The following GIPC2 variants were observed in gnomAD, a reference collection of about 807,000 sequenced individuals.
GIPC2 encodes PDZ domain-containing protein GIPC2.
GIPC2 carries 30 observed loss-of-function variants against 30.6 expected under a neutral mutation model. The ratio of observed to expected loss-of-function variants is 0.98; its 90% CI spans 0.73 to 1.33. GIPC2 has a LOEUF of 1.33. Ranked by LOEUF, GIPC2 falls within the 40% of genes most tolerant of loss-of-function variation. GIPC2 has a pLI of 0.00. For synonymous variants in GIPC2, 167 were observed against 150.0 expected (o/e 1.11, Z -0.83); for missense variants, 414 against 390.3 (o/e 1.06, Z -0.51).
Position 78,046,183 on chromosome 1 carries a change from G to C in GIPC2, c.89G>C (p.Gly30Ala). 6.4e-7 allele frequency: 1 copy of C among 1,573,938 alleles called. No homozygotes were observed. Among genetic ancestry groups the C allele is most frequent in the Non-Finnish European group, 8.6e-7 (1 of 1,162,620 alleles). ...VEGEPTGAGG[G>A]SLSASRAPAR... ...GGCGAGCCGACGGGCGCGGGCGGCG[G>C]GAGCCTCTCAGCGTCCCGGGCTCCC... The change falls in exon 1 of 6, where the codon GGG (glycine) becomes GCG (alanine). Residue 30 changes from glycine (G) to alanine (A), a missense_variant. By Grantham distance (60) the Gly-to-Ala change is moderately conservative. Coordinates refer to ENST00000370759, the MANE Select transcript of GIPC2 (RefSeq NM_017655.6).
chr1:78,067,436 TTTTTC>T (rs1400699065), intron 1 of GIPC2, among the ~76,000 whole-genome samples: 2 of 152,078 alleles, frequency 1.3e-5, no homozygotes, highest in Non-Finnish European at 2.9e-5. Flanking sequence ...TTTTTGCAAA[TTTTTC>T]TTTTCTTTTT....
chr1:78,115,920 G>A (rs1307176935), intron 3 of GIPC2, among the ~76,000 whole-genome samples: 1 of 152,178 alleles, frequency 6.6e-6, no homozygotes, highest in Admixed American at 6.5e-5. Flanking sequence ...AATCACTTTG[G>A]CATAGATTCC....
At chr1:78,059,797 A>G (rs1024359635) in intron 1 of GIPC2, among the ~76,000 whole-genome samples, 1 of 152,174 alleles carries the variant, frequency 6.6e-6, no homozygotes, top group African/African-American at 2.4e-5. Context: ...GAAAAAAAGA[A>G]AAAATAAATA....
chr1:78,073,924 A>C (rs1661666927), intron 1 of GIPC2, among the ~76,000 whole-genome samples: 2 of 152,246 alleles, frequency 1.3e-5, no homozygotes, highest in African/African-American at 4.8e-5. Context: ...TTCAATGATG[A>C]ATAATCATAA....
At chr1:78,047,700 A>G (rs1661121146) in intron 1 of GIPC2, among the ~76,000 whole-genome samples, 1 of 152,206 alleles carries the variant, frequency 6.6e-6, no homozygotes, top group Non-Finnish European at 1.5e-5. Context: ...AATAGAGATT[A>G]GAATATTTGT....
chr1:78,074,751 G>T (rs1190384483), intron 1 of GIPC2, among the ~76,000 whole-genome samples: 1 of 151,922 alleles, frequency 6.6e-6, no homozygotes, highest in South Asian at 2.1e-4. Context: ...CCAGTCTATC[G>T]ATTTATTTAT....
At chr1:78,085,989 C>G (rs574988381) in intron 2 of GIPC2, among the ~76,000 whole-genome samples, 1 of 146,738 alleles carries the variant, frequency 6.8e-6, no homozygotes, top group African/African-American at 2.5e-5. Flanking sequence ...TTTTGCGTCT[C>G]TAGTTCTCTT....
intron 3 of GIPC2, among the ~76,000 whole-genome samples, chr1:78,109,635 TG>T (rs1662424394): frequency 6.6e-6 from 1 of 152,214 alleles, no homozygotes; most frequent in Admixed American, 6.5e-5. Flanking sequence ...TGCTGTTACC[TG>T]GGATATAGTC....
chr1:78,109,971 G>C (rs144535005), intron 3 of GIPC2, among the ~76,000 whole-genome samples: 4,207 of 152,064 alleles, frequency 0.028, 138 homozygotes, highest in African/African-American at 0.08. Flanking sequence ...CTCACTCGTA[G>C]GTGGGAATTG....
chr1:78,093,842 G>A (rs886229724), intron 2 of GIPC2, among the ~76,000 whole-genome samples: 1 of 152,060 alleles, frequency 6.6e-6, no homozygotes, highest in African/African-American at 2.4e-5. Context: ...CATCACTGTG[G>A]AAGAACTTGT....
At chr1:78,078,839 A>AG (rs904420128) in intron 1 of GIPC2, among the ~76,000 whole-genome samples, 1 of 78,492 alleles carries the variant, frequency 1.3e-5, no homozygotes, top group African/African-American at 5.4e-5. Flanking sequence ...GATTCACCGG[A>AG]AAAAAAAAAA....
intron 1 of GIPC2, among the ~76,000 whole-genome samples, chr1:78,065,309 C>G (rs1284902893): frequency 6.6e-6 from 1 of 151,604 alleles, no homozygotes; most frequent in Non-Finnish European, 1.5e-5. Context: ...CAATTTCATT[C>G]ACAATTACCA....
At chr1:78,087,093 G>T (rs1347642786) in intron 2 of GIPC2, among the ~76,000 whole-genome samples, 1 of 152,120 alleles carries the variant, frequency 6.6e-6, no homozygotes, top group Non-Finnish European at 1.5e-5. Context: ...AATTAGAGAA[G>T]AGACAAACAC....
chr1:78,076,777 TA>T (rs1052421411), intron 1 of GIPC2, among the ~76,000 whole-genome samples: 5 of 152,178 alleles, frequency 3.3e-5, no homozygotes, highest in African/African-American at 9.7e-5. Flanking sequence ...ATTTTAATTT[TA>T]TTTTTTTTGA....
At chr1:78,123,200 C>G (rs1419818132) in intron 4 of GIPC2, among the ~76,000 whole-genome samples, 11 of 144,998 alleles carry the variant, frequency 7.6e-5, no homozygotes, top group Non-Finnish European at 1.5e-5. Flanking sequence ...GCGGAGGTTG[C>G]AGCGAGCCGA....
chr1:78,065,012 TG>T (rs1208643314), intron 1 of GIPC2, among the ~76,000 whole-genome samples: 1 of 152,102 alleles, frequency 6.6e-6, no homozygotes, highest in African/African-American at 2.4e-5. Flanking sequence ...CCCAAAGTGC[TG>T]GGATTATAGG....
intron 3 of GIPC2, among the ~76,000 whole-genome samples, chr1:78,102,029 G>A (rs1662258749): frequency 6.6e-6 from 1 of 152,178 alleles, no homozygotes; most frequent in South Asian, 2.1e-4. Flanking sequence ...TTTCCAATTT[G>A]TGATTCTTGC....
chr1:78,102,037 T>G (rs1023589413), intron 3 of GIPC2, among the ~76,000 whole-genome samples: 3 of 152,224 alleles, frequency 2.0e-5, no homozygotes, highest in Non-Finnish European at 4.4e-5. Context: ...TTGTGATTCT[T>G]GCGTGCCCTT....
intron 4 of GIPC2, among the ~76,000 whole-genome samples, chr1:78,123,830 C>A (rs926597559): frequency 1.3e-5 from 2 of 152,172 alleles, no homozygotes; most frequent in Admixed American, 1.3e-4. Context: ...AAGGTTAATA[C>A]CTGTTAATTT....
Sources: gnomAD v4.1 joint callset for allele counts (sites outside exome capture counted in the v4.1 genomes callset) on GRCh38, gnomAD v4.1.1 for gene constraint, MANE v1.5 for transcripts, NCBI Gene and HGNC (gene_info 2026-07-23, HGNC 2026-07-21) for gene names.